OSBPL9: variants seen among roughly 807,000 people sequenced by gnomAD.
OSBPL9 encodes oxysterol binding protein like 9, also known as oxysterol-binding protein-related protein 9.
OSBPL9 carries 40 observed loss-of-function variants against 106.6 expected under a neutral mutation model. The observed-to-expected ratio is 0.38, with a 90% confidence interval of 0.29 to 0.49. The LOEUF (loss-of-function observed/expected upper bound fraction) is 0.49, where lower values mean the gene tolerates loss of function less well. Ranked by LOEUF, OSBPL9 falls within the 20% of genes least tolerant of loss-of-function variation. The pLI is 0.97. For missense variants in OSBPL9, 609 were observed against 887.2 expected, an observed-to-expected ratio of 0.69 and a Z score of 3.98; for synonymous variants, 269 against 295.4, an observed-to-expected ratio of 0.91 and a Z score of 0.92.
intron 4 of OSBPL9, among the ~76,000 whole-genome samples, chr1:51,733,394 A>G (rs1664905524): frequency 6.6e-6 from 1 of 152,178 alleles, no homozygotes; most frequent in African/African-American, 2.4e-5. Context: ...CCTGTGAGTT[A>G]AAAATGCTTC....
intron 4 of OSBPL9, among the ~76,000 whole-genome samples, chr1:51,714,959 A>T (rs1660758690): frequency 6.6e-6 from 1 of 152,218 alleles, no homozygotes; most frequent in Non-Finnish European, 1.5e-5. Context: ...GTTGGGTGAC[A>T]TGCAACTAAC....
chr1:51,663,985 T>G (rs770225769), intron 2 of OSBPL9, among the ~76,000 whole-genome samples: 22 of 152,194 alleles, frequency 1.4e-4, no homozygotes, highest in Admixed American at 3.9e-4. Flanking sequence ...AAACTGTTAG[T>G]GAAGTTATTG....
At chr1:51,668,351 G>A (rs1649010068) in intron 2 of OSBPL9, among the ~76,000 whole-genome samples, 1 of 152,196 alleles carries the variant, frequency 6.6e-6, no homozygotes, top group South Asian at 2.1e-4. Flanking sequence ...GCCAGGTGTG[G>A]TGGCGCACTC....
At chr1:51,657,963 G>T (rs897111016) in intron 2 of OSBPL9, among the ~76,000 whole-genome samples, 7 of 152,094 alleles carry the variant, frequency 4.6e-5, no homozygotes, top group South Asian at 2.1e-4. Context: ...AACAAAATTG[G>T]CTGGGTGTGG....
At chr1:51,682,099 G>C (rs1316582126) in intron 3 of OSBPL9, among the ~76,000 whole-genome samples, 4 of 152,014 alleles carry the variant, frequency 2.6e-5, no homozygotes, top group African/African-American at 9.7e-5. Flanking sequence ...CTACTCGGGA[G>C]GCTGAAGCAG....
At chr1:51,647,811 A>AT (rs1646262505) in intron 1 of OSBPL9, among the ~76,000 whole-genome samples, 2 of 148,768 alleles carry the variant, frequency 1.3e-5, no homozygotes, top group African/African-American at 5.0e-5. Flanking sequence ...AATTTTGTTG[A>AT]TTTTTTAAAG....
chr1:51,528,460 C>T, the OSBPL9 span, among the ~76,000 whole-genome samples: 1 of 151,982 alleles, frequency 6.6e-6, no homozygotes, highest in Admixed American at 6.6e-5. Flanking sequence ...AGGAGAATTG[C>T]TTGAGCCCAG....
intron 2 of OSBPL9, among the ~76,000 whole-genome samples, chr1:51,602,875 G>A (rs1034207757): frequency 1.3e-5 from 2 of 152,188 alleles, no homozygotes; most frequent in Admixed American, 1.3e-4. Context: ...AAAACACTAG[G>A]GCTGGGGTGG....
rs1665147390 is a variant in OSBPL9 at position 51,734,246 on chromosome 1, A to G, written c.319-11290A>G. Among the ~76,000 whole-genome samples, 4 of 152,154 alleles carry G rather than the reference A, an allele frequency of 2.6e-5. No homozygotes were observed. The South Asian group carries it at 8.3e-4, about 31-fold the overall frequency. On this transcript the variant is annotated intron_variant, in intron 4 of 23. Coordinates refer to ENST00000428468, the MANE Select transcript of OSBPL9 (RefSeq NM_024586.6). ...TTTAGGAACTTGGCTTCTTTGCTGT[A>G]TTGACTGAACAACTCGTTTTTCCCA...
At chr1:51,646,056 C>G (rs1646133910) in intron 1 of OSBPL9, among the ~76,000 whole-genome samples, 1 of 152,146 alleles carries the variant, frequency 6.6e-6, no homozygotes, top group South Asian at 2.1e-4. Context: ...TGTGAGTCCT[C>G]CAATGTTGTT....
At chr1:51,617,995 G>GTT (rs1243154789) in intron 1 of OSBPL9, among the ~76,000 whole-genome samples, 14 of 114,012 alleles carry the variant, frequency 1.2e-4, no homozygotes, top group South Asian at 3.3e-4. Flanking sequence ...ATCTTACGTG[G>GTT]TTGTGTGTGT....
intron 2 of OSBPL9, among the ~76,000 whole-genome samples, chr1:51,609,507 CT>C (rs77430161): frequency 0.017 from 2,258 of 133,328 alleles, 29 homozygotes; most frequent in African/African-American, 0.052. Flanking sequence ...CCATGCCTGG[CT>C]TTTTTTTTTT....
chr1:51,577,180 T>C (rs1228614809), exon 1 of OSBPL9: 1 of 152,206 alleles, frequency 6.6e-6, no homozygotes, highest in African/African-American at 2.4e-5. Flanking sequence ...CTTTCCGCCA[T>C]GATTATAAGC....
At chr1:51,714,122 G>C in intron 4 of OSBPL9, 43 bp downstream of exon 4, 3 of 1,422,304 alleles carry the variant, frequency 2.1e-6, no homozygotes, top group Non-Finnish European at 2.9e-6. Context: ...ATTAGTTGTT[G>C]CTTTCTTTTT....
At chr1:51,559,192 G>A in the OSBPL9 span, among the ~76,000 whole-genome samples, 1 of 151,924 alleles carries the variant, frequency 6.6e-6, no homozygotes, top group Admixed American at 6.6e-5. Flanking sequence ...GGGAAGGTGA[G>A]GGAATTCCCA....
the OSBPL9 span, among the ~76,000 whole-genome samples, chr1:51,532,746 A>G: frequency 6.6e-6 from 1 of 152,154 alleles, no homozygotes; most frequent in Non-Finnish European, 1.5e-5. Flanking sequence ...GGACCTATCA[A>G]GGGAGTGATT....
intron 16 of OSBPL9, chr1:51,781,574 T>G: frequency 5.5e-6 from 2 of 365,014 alleles, no homozygotes; most frequent in Non-Finnish European, 1.0e-5. Context: ...TAATATAATT[T>G]TATGGCTTTT....
chr1:51,612,262 T>C (rs1643993052), upstream of OSBPL9, among the ~76,000 whole-genome samples: 1 of 152,230 alleles, frequency 6.6e-6, no homozygotes, highest in South Asian at 2.1e-4. Context: ...CTCATCTTGC[T>C]CCTCTCCATT....
chr1:51,715,861 C>A lies in OSBPL9; in HGVS notation c.318+1782C>A, dbSNP rs117101783. On this transcript the variant is annotated intron_variant, in intron 4 of 23. Coordinates refer to ENST00000428468, the MANE Select transcript of OSBPL9 (RefSeq NM_024586.6). ...CTTTTTTTCAAAGCCTAGTTTAGAA[C>A]TGACCTCTTCTATGAACCCTCTGCC... Among the ~76,000 whole-genome samples, 226 of 152,268 alleles carry A rather than the reference C, an allele frequency of 1.5e-3. 4 individuals carry two copies. The East Asian group carries it at 0.035, about 24-fold the overall frequency.
Sources: gnomAD v4.1 joint callset for allele counts (sites outside exome capture counted in the v4.1 genomes callset) on GRCh38, gnomAD v4.1.1 for gene constraint, MANE v1.5 for transcripts, NCBI Gene and HGNC (gene_info 2026-07-23, HGNC 2026-07-21) for gene names.